AQP3: variants seen among roughly 807,000 people sequenced by gnomAD.
AQP3 encodes aquaporin 3 (Gill blood group), also known as aquaporin-3.
A neutral mutation model predicts 30.3 loss-of-function variants in AQP3; 15 were observed. The ratio of observed to expected loss-of-function variants is 0.49; its 90% CI spans 0.33 to 0.76. The LOEUF (loss-of-function observed/expected upper bound fraction) is 0.76, where lower values mean the gene tolerates loss of function less well. AQP3 is among the 30% of genes least tolerant of loss of function. AQP3 has a pLI of 0.02. For synonymous variants in AQP3, 153 were observed against 163.2 expected (o/e 0.94, Z 0.47); for missense variants, 272 against 384.8 (o/e 0.71, Z 2.45).
rs1826932060 is a variant in AQP3, at chr9:33,447,470, G to C, written c.61C>G (p.Leu21Val). 1.9e-6 allele frequency: 3 copies of C among 1,610,484 alleles called. No individual in the cohort carries two copies. The highest frequency in any genetic ancestry group is 2.5e-6 in the Non-Finnish European group (3 of 1,178,870). ...CGEMLHIRYR[L>V]LRQALAECLG... ...CACTCGGCCAGCGCCTGTCGGAGCA[G>C]CCGGTAGCGGATGTGGAGCATCTCC... The change falls in exon 1 of 6, where the codon CTG (leucine) becomes GTG (valine). Residue 21 changes from leucine (L) to valine (V), a missense_variant. Around this residue, in one of 3 missense-constraint regions of AQP3, gnomAD observed 51 missense variants for 46.5 expected, o/e 1.10. Coordinates refer to ENST00000297991, the MANE Select transcript of AQP3 (RefSeq NM_004925.5).
Position 33,441,761 on chromosome 9 carries a change from A to G in AQP3, c.*282T>C, listed in dbSNP as rs1238124674. 3 of 553,504 alleles carry G rather than the reference A, an allele frequency of 5.4e-6. No homozygotes were observed. The highest frequency in any genetic ancestry group is 3.2e-5 in the Admixed American group (1 of 31,618). The allele number at this position is 553,504 out of a possible 1,614,324, so 34.3% of individuals were successfully genotyped here. ...CATGCACACACATGCACACACATGC[A>G]CACACACACATACCTGCTGCCCATT... On this transcript the variant is annotated 3_prime_UTR_variant, in exon 6 of 6. Transcript: ENST00000297991.
Position 33,443,331 on chromosome 9 carries a change from C to G in AQP3, c.363G>C (p.Gly121=). The change falls in exon 3 of 6, where the codon GGG becomes GGC. Residue 121 remains glycine, a synonymous_variant. Transcript: ENST00000297991. The surrounding 1 kb of genome is among the most constrained non-coding windows in gnomAD (Gnocchi z 5.0). ...GAFLGAGIVF[G]LYYDAIWHFA... ...GTGGGGAATGCTTACCATAATACAG[C>G]CCAAAAACTATTCCAGCACCCAAGA... 3 of 1,582,668 alleles carry G rather than the reference C, an allele frequency of 1.9e-6. No homozygotes were observed. The highest frequency in any genetic ancestry group is 2.6e-6 in the Non-Finnish European group (3 of 1,164,088).
In AQP3 at chr9:33,443,533, T is replaced by A; in HGVS notation, c.236-75A>T. The A allele has an allele frequency of 6.4e-7, 1 of 1,557,180 alleles. No individual in the cohort carries two copies. The highest frequency in any genetic ancestry group is 8.7e-7 in the Non-Finnish European group (1 of 1,145,954). ...CAGGCTAGGGTCCCCTGAGAAGGGGTGCAGAGAGGGGTTTCTTGCACAGGA... is the reference window on the plus strand; with the variant it reads ...CAGGCTAGGGTCCCCTGAGAAGGGGAGCAGAGAGGGGTTTCTTGCACAGGA... On this transcript the variant is annotated intron_variant, in intron 2 of 5. Transcript: ENST00000297991. The surrounding 1 kb of genome is among the most constrained non-coding windows in gnomAD (Gnocchi z 5.0).
At position 33,443,852 on chromosome 9, in the gene AQP3, C is replaced by T. The variant is rs780493653; in HGVS notation, c.149G>A (p.Arg50Gln). Reference sequence around the variant, plus strand: ...GGTGAGGAAACCACCGTGGGTGCCCCGGCTGAGCACAACCTGGGCCACGGA... The same window carrying T: ...GGTGAGGAAACCACCGTGGGTGCCCTGGCTGAGCACAACCTGGGCCACGGA... ...CGSVAQVVLSRGTHGGFLTIN... is the reference protein window; with the variant it reads ...CGSVAQVVLSQGTHGGFLTIN... Residue 50 changes from arginine to glutamine, a missense_variant, in exon 2 of 6, where the codon CGG becomes CAG. Physicochemically the swap from Arg to Gln is conservative, Grantham distance 43. Around this residue, in one of 3 missense-constraint regions of AQP3, gnomAD observed 170 missense variants for 286.4 expected, o/e 0.59. Transcript: ENST00000297991. The surrounding 1 kb of genome is among the most constrained non-coding windows in gnomAD (Gnocchi z 5.0). 11 of 1,613,964 alleles carry T rather than the reference C, an allele frequency of 6.8e-6. No homozygotes were observed. The highest frequency in any genetic ancestry group is 1.7e-5 in the Admixed American group (1 of 60,018).
In AQP3 at chr9:33,441,181, A is replaced by T. The variant is rs1826825679; in HGVS notation, c.*862T>A. 4 of 152,366 alleles carry T rather than the reference A, an allele frequency of 2.6e-5. No homozygotes were observed. The highest frequency in any genetic ancestry group is 5.9e-5 in the Non-Finnish European group (4 of 67,988). The allele number at this position is 152,366 out of a possible 1,614,324, so 9.4% of individuals were successfully genotyped here. A position where few individuals can be genotyped will look rare whatever the true frequency, so the allele number is the denominator to read the frequency against. ...GAGGTTTTAGGCACATATTTATTTT[A>T]TTTTTTTTAATATAAAAGTAAAAGA... On this transcript the variant is annotated 3_prime_UTR_variant, in exon 6 of 6. Coordinates refer to ENST00000297991, the MANE Select transcript of AQP3 (RefSeq NM_004925.5).
Position 33,442,281 on chromosome 9 carries a change from T to G in AQP3, c.710+20A>C, listed in dbSNP as rs773697097. 1.9e-6 allele frequency: 3 copies of G among 1,610,050 alleles called. No homozygotes were observed. ...AGAGGAGAGGCAGGCTGGGGTGAGCTGGGTGGGGGCTGTACTCACGTGAAG... is the reference window on the plus strand; with the variant it reads ...AGAGGAGAGGCAGGCTGGGGTGAGCGGGGTGGGGGCTGTACTCACGTGAAG... On this transcript the variant is annotated intron_variant, in intron 5 of 5. Coordinates refer to ENST00000297991, the MANE Select transcript of AQP3 (RefSeq NM_004925.5).
chr9:33,442,400 G>A lies in AQP3; in HGVS notation c.611C>T (p.Thr204Ile). ...TVGLVVLVIG[T>I]SMGFNSGYAV... ...ATAGCCGGAGTTGAAGCCCATGGAGGTGCCAATGACCAGGACCACCAGGCC... is the reference window on the plus strand; with the variant it reads ...ATAGCCGGAGTTGAAGCCCATGGAGATGCCAATGACCAGGACCACCAGGCC... Residue 204 changes from threonine to isoleucine, a missense_variant, in exon 5 of 6, where the codon ACC becomes ATC. By Grantham distance (89) the Thr-to-Ile change is moderately conservative. Around this residue, in one of 3 missense-constraint regions of AQP3, gnomAD observed 170 missense variants for 286.4 expected, o/e 0.59. Coordinates refer to ENST00000297991, the MANE Select transcript of AQP3 (RefSeq NM_004925.5). 1.2e-6 allele frequency: 2 copies of A among 1,611,962 alleles called. No individual in the cohort carries two copies. Among genetic ancestry groups the A allele is most frequent in the Non-Finnish European group, 1.7e-6 (2 of 1,179,398 alleles).
intron 1 of AQP3, among the ~76,000 whole-genome samples, chr9:33,444,953 G>A (rs1011651999): frequency 3.9e-5 from 6 of 151,994 alleles, no homozygotes; most frequent in Non-Finnish European, 8.8e-5. Context: ...TAAACTTTCT[G>A]CCAAAAATGG....
intron 1 of AQP3, among the ~76,000 whole-genome samples, chr9:33,446,894 C>A (rs980218456): frequency 6.6e-5 from 10 of 152,254 alleles, no homozygotes; most frequent in Non-Finnish European, 1.0e-4. Context: ...CTGTTCGCAG[C>A]CCATGTGGCC....
chr9:33,442,580 A>G, intron 4 of AQP3, 62 bp from the exon 5 acceptor site: 6 of 1,481,006 alleles, frequency 4.1e-6, no homozygotes, highest in Non-Finnish European at 5.5e-6. Flanking sequence ...CCCTCCTTCC[A>G]TCCCCCGTCT....
Position 33,442,397 on chromosome 9 carries a change from G to C in AQP3, c.614C>G (p.Ser205Cys). Reference sequence around the variant, plus strand: ...GGCATAGCCGGAGTTGAAGCCCATGGAGGTGCCAATGACCAGGACCACCAG... The same window carrying C: ...GGCATAGCCGGAGTTGAAGCCCATGCAGGTGCCAATGACCAGGACCACCAG... ...VGLVVLVIGT[S>C]MGFNSGYAVN... The change falls in exon 5 of 6, where the codon TCC becomes TGC. Residue 205 changes from serine (S) to cysteine (C), a missense_variant. By Grantham distance (112) the Ser-to-Cys change is moderately radical. Coordinates refer to ENST00000297991, the MANE Select transcript of AQP3 (RefSeq NM_004925.5). 6.2e-7 allele frequency: 1 copy of C among 1,612,018 alleles called. No individual in the cohort carries two copies. Among genetic ancestry groups the C allele is most frequent in the Non-Finnish European group, 8.5e-7 (1 of 1,179,418 alleles).
Position 33,447,568 on chromosome 9 carries a change from T to G in AQP3, c.-38A>C, listed in dbSNP as rs2118980368. On this transcript the variant is annotated 5_prime_UTR_variant, in exon 1 of 6. Transcript: ENST00000297991. The stretch of plus-strand genomic sequence containing the variant: ...GGCGGCGCTGTCGGGCGGGCAGGGG[T>G]GGCGGGAGGCGGTGGCGCAGCGAGC... The G allele has an allele frequency of 3.3e-6, 5 of 1,501,432 alleles. No individual in the cohort carries two copies. Among genetic ancestry groups the G allele is most frequent in the Non-Finnish European group, 4.5e-6 (5 of 1,101,126 alleles). The allele number at this position is 1,501,432 out of a possible 1,614,324, so 93.0% of individuals were successfully genotyped here. A position where few individuals can be genotyped will look rare whatever the true frequency, so the allele number is the denominator to read the frequency against.
intron 1 of AQP3, 118 bp downstream of exon 1, chr9:33,447,305 T>A: frequency 2.3e-6 from 2 of 888,246 alleles, no homozygotes; most frequent in Non-Finnish European, 3.7e-6. Context: ...AGCGTGGGGG[T>A]CACAGCTGGG....
At position 33,441,877 on chromosome 9, in the gene AQP3, G is replaced by A. The variant is rs763064485; in HGVS notation, c.*166C>T. Reference sequence around the variant, plus strand: ...GTGGCCTAAGGTGCTATTTGGGCAAGGTCCAGTGGAAATCCTGAAGGGGCT... The same window carrying A: ...GTGGCCTAAGGTGCTATTTGGGCAAAGTCCAGTGGAAATCCTGAAGGGGCT... On this transcript the variant is annotated 3_prime_UTR_variant, in exon 6 of 6. Transcript: ENST00000297991. 1 of 1,164,614 alleles carries A rather than the reference G, an allele frequency of 8.6e-7. No homozygotes were observed. Among genetic ancestry groups the A allele is most frequent in the Admixed American group, 2.2e-5 (1 of 44,608 alleles). The allele number at this position is 1,164,614 out of a possible 1,614,324, so 72.1% of individuals were successfully genotyped here. A position where few individuals can be genotyped will look rare whatever the true frequency, so the allele number is the denominator to read the frequency against.
chr9:33,443,620 G>A lies in AQP3; in HGVS notation c.235+146C>T, dbSNP rs1292471395. The A allele has an allele frequency of 1.4e-6, 2 of 1,478,448 alleles. No homozygotes were observed. The highest frequency in any genetic ancestry group is 1.9e-6 in the Non-Finnish European group (2 of 1,078,980). The allele number at this position is 1,478,448 out of a possible 1,614,324, so 91.6% of individuals were successfully genotyped here. A position where few individuals can be genotyped will look rare whatever the true frequency, so the allele number is the denominator to read the frequency against. ...TCTGATTCCAAGGTGAGAGTCGAAA[G>A]TTCTAAGTGTCAAGTTTCTTCTCCA... is the stretch of plus-strand genomic sequence containing the variant. On this transcript the variant is annotated intron_variant, in intron 2 of 5. Coordinates refer to ENST00000297991, the MANE Select transcript of AQP3 (RefSeq NM_004925.5). The surrounding 1 kb of genome is among the most constrained non-coding windows in gnomAD (Gnocchi z 5.0).
chr9:33,442,458 G>A lies in AQP3; in HGVS notation c.553C>T (p.Pro185Ser). The A allele has an allele frequency of 6.2e-7, 1 of 1,611,610 alleles. No individual in the cohort carries two copies. Among genetic ancestry groups the A allele is most frequent in the Non-Finnish European group, 8.5e-7 (1 of 1,179,314 alleles). ...AAGGCCTCCAGGCCTCGGGGGACGG[G>A]GTTGTTGTAGGGGTCAACAATGGCC... ...VLAIVDPYNN[P>S]VPRGLEAFTV... The change falls in exon 5 of 6, where the codon CCC becomes TCC. Residue 185 changes from proline to serine, a missense_variant. Around this residue, in one of 3 missense-constraint regions of AQP3, gnomAD observed 170 missense variants for 286.4 expected, o/e 0.59. Coordinates refer to ENST00000297991, the MANE Select transcript of AQP3 (RefSeq NM_004925.5).
intron 1 of AQP3, among the ~76,000 whole-genome samples, chr9:33,444,893 C>T (rs1826893632): frequency 6.6e-6 from 1 of 152,162 alleles, no homozygotes; most frequent in African/African-American, 2.4e-5. Flanking sequence ...TGGCTCCTCT[C>T]ACTATCCCCA....
At position 33,442,102 on chromosome 9, in the gene AQP3, G is replaced by A; in HGVS notation, c.820C>T (p.Pro274Ser). ...TTCACATTCTCTTCCTCGTTGGAGG[G>A]TGGGGGCTGCTCCAGGTGGCAGCCG... is the stretch of plus-strand genomic sequence containing the variant. Reference protein sequence around the residue: ...MIGCHLEQPPPSNEEENVKLA... With the variant: ...MIGCHLEQPPSSNEEENVKLA... The change falls in exon 6 of 6, where the codon CCC (proline) becomes TCC (serine). Residue 274 changes from proline to serine, a missense_variant. Physicochemically the swap from Pro to Ser is moderately conservative, Grantham distance 74. Coordinates refer to ENST00000297991, the MANE Select transcript of AQP3 (RefSeq NM_004925.5). The A allele has an allele frequency of 1.2e-6, 2 of 1,613,920 alleles. No homozygotes were observed. The highest frequency in any genetic ancestry group is 1.7e-6 in the Non-Finnish European group (2 of 1,180,038).
chr9:33,442,292 T>C lies in AQP3; in HGVS notation c.710+9A>G. The stretch of plus-strand genomic sequence containing the variant: ...AGGCTGGGGTGAGCTGGGTGGGGGC[T>C]GTACTCACGTGAAGACTGCAGAGCC... On this transcript the variant is annotated intron_variant, in intron 5 of 5. Coordinates refer to ENST00000297991, the MANE Select transcript of AQP3 (RefSeq NM_004925.5). The C allele has an allele frequency of 6.2e-7, 1 of 1,612,176 alleles. No homozygotes were observed. The highest frequency in any genetic ancestry group is 8.5e-7 in the Non-Finnish European group (1 of 1,179,410).
Sources: allele counts gnomAD v4.1 joint callset (sites outside exome capture counted in the v4.1 genomes callset), GRCh38; gene constraint gnomAD v4.1.1; regional missense constraint gnomAD v4.1.1; non-coding constraint Gnocchi (gnomAD v3.1); transcripts MANE v1.5; gene names NCBI Gene and HGNC (gene_info 2026-07-23, HGNC 2026-07-21).